The following VIPR1 variants were observed in gnomAD, a reference collection of about 807,000 sequenced individuals.
VIPR1 encodes the protein vasoactive intestinal peptide receptor 1, also known as vasoactive intestinal polypeptide receptor 1.
Under a neutral mutation model 58.8 loss-of-function variants are expected in VIPR1, and 59 were observed. The observed-to-expected ratio is 1.00, with a 90% CI of 0.81 to 1.25. The LOEUF is 1.25. VIPR1 is among the 50% of genes most tolerant of loss of function. The probability of loss-of-function intolerance (pLI) is 0.00; values close to 1 mark genes in which losing one functional copy is unlikely to be tolerated. For synonymous variants in VIPR1, 251 were observed against 242.1 expected (o/e 1.04, Z -0.34); for missense variants, 626 against 602.7 (o/e 1.04, Z -0.40).
At chr3:42,495,595 A>G (rs1022939881) in intron 1 of VIPR1, among the ~76,000 whole-genome samples, 1 of 152,066 alleles carries the variant, frequency 6.6e-6, no homozygotes, top group African/African-American at 2.4e-5. Context: ...TAATCAGGTG[A>G]GCCCTTTAAA....
At chr3:42,492,806 C>A (rs904045893) in intron 1 of VIPR1, among the ~76,000 whole-genome samples, 3 of 152,208 alleles carry the variant, frequency 2.0e-5, no homozygotes, top group Admixed American at 2.0e-4. Context: ...CCACCTCCCA[C>A]CTCAGGAAGG....
In VIPR1 at chr3:42,531,473, G is replaced by C; in HGVS notation, c.793G>C (p.Val265Leu). 1 of 1,581,446 alleles carries C rather than the reference G, an allele frequency of 6.3e-7. No individual in the cohort carries two copies. Among genetic ancestry groups the C allele is most frequent in the Non-Finnish European group, 8.6e-7 (1 of 1,162,462 alleles). ...FWGYILIGWGVPSTFTMVWTI... is the reference protein window; with the variant it reads ...FWGYILIGWGLPSTFTMVWTI... ...TTCACTCTCCCTGGGCCTGACAGGG[G>C]TACCCAGCACATTCACCATGGTGTG... is the stretch of plus-strand genomic sequence containing the variant. Residue 265 changes from valine (V) to leucine (L), a missense_variant and splice_region_variant, in exon 8 of 13, where the codon GTA becomes CTA. Coordinates refer to ENST00000325123, the MANE Select transcript of VIPR1 (RefSeq NM_004624.4).
At chr3:42,494,211 G>T (rs767101201) in intron 1 of VIPR1, among the ~76,000 whole-genome samples, 1 of 152,108 alleles carries the variant, frequency 6.6e-6, no homozygotes, top group East Asian at 1.9e-4. Context: ...AACATTAGAC[G>T]TTAAATATGT....
intron 3 of VIPR1, among the ~76,000 whole-genome samples, chr3:42,523,415 T>C (rs1397339214): frequency 6.6e-6 from 1 of 152,172 alleles, no homozygotes; most frequent in African/African-American, 2.4e-5. Context: ...TGGCCGCTGC[T>C]GGGAGCCCAG....
chr3:42,527,894 C>A, intron 5 of VIPR1, 97 bp from the exon 6 acceptor site: 1 of 1,515,772 alleles, frequency 6.6e-7, no homozygotes, highest in Non-Finnish European at 8.9e-7. Context: ...AGGACACATG[C>A]TCCCCTGCCC....
chr3:42,502,669 C>T lies in VIPR1; in HGVS notation c.-67C>T, dbSNP rs967368002. The T allele has an allele frequency of 3.3e-6, 4 of 1,195,360 alleles. No homozygotes were observed. Among genetic ancestry groups the T allele is most frequent in the African/African-American group, 1.6e-5 (1 of 62,628 alleles). The allele number at this position is 1,195,360 out of a possible 1,614,324, so 74.0% of individuals were successfully genotyped here. On this transcript the variant is annotated 5_prime_UTR_variant, in exon 1 of 13. Coordinates refer to ENST00000325123, the MANE Select transcript of VIPR1 (RefSeq NM_004624.4). ...CTCTGCCAGGCTCCCGGCCATCGCCCGCCTGGTGCGCCGCCCGCCAGCTCT... is the reference window on the plus strand; with the variant it reads ...CTCTGCCAGGCTCCCGGCCATCGCCTGCCTGGTGCGCCGCCCGCCAGCTCT...
At chr3:42,532,399 C>A in intron 10 of VIPR1, 66 bp downstream of exon 10, 1 of 1,488,576 alleles carries the variant, frequency 6.7e-7, no homozygotes, top group African/African-American at 1.4e-5. Flanking sequence ...CATCCCACAT[C>A]TCCTTGAAGT....
chr3:42,525,875 CCCTCCA>C lies in VIPR1; in HGVS notation c.293-9_293-4del. The C allele has an allele frequency of 6.3e-7, 1 of 1,599,182 alleles. No individual in the cohort carries two copies. Among genetic ancestry groups the C allele is most frequent in the African/African-American group, 1.3e-5 (1 of 74,764 alleles). The stretch of plus-strand genomic sequence containing the variant: ...GCCTCAGCCTTTGTCCTTGCCCCTG[CCCTCCA>C]CCCAGGCCGCAATGTAAGCCGCAGC... On this transcript the variant is annotated splice_region_variant and splice_polypyrimidine_tract_variant and intron_variant, in intron 3 of 12. Coordinates refer to ENST00000325123, the MANE Select transcript of VIPR1 (RefSeq NM_004624.4).
rs1195924578 is a variant in VIPR1, at chr3:42,525,869, C to T, written c.293-18C>T. ...CTCCCGGCCTCAGCCTTTGTCCTTG[C>T]CCCTGCCCTCCACCCAGGCCGCAAT... On this transcript the variant is annotated intron_variant, in intron 3 of 12. Coordinates refer to ENST00000325123, the MANE Select transcript of VIPR1 (RefSeq NM_004624.4). 2.5e-6 allele frequency: 4 copies of T among 1,592,080 alleles called. No individual in the cohort carries two copies. The highest frequency in any genetic ancestry group is 3.3e-4 in the Middle Eastern group (2 of 6,030).
intron 1 of VIPR1, among the ~76,000 whole-genome samples, chr3:42,493,178 G>A (rs566949391): frequency 2.6e-5 from 4 of 152,218 alleles, no homozygotes; most frequent in Non-Finnish European, 4.4e-5. Flanking sequence ...GGAGGGAGAC[G>A]GGTGGCTTCT....
chr3:42,514,046 C>T (rs1251812042), intron 2 of VIPR1, among the ~76,000 whole-genome samples, 192 bp downstream of exon 2: 2 of 152,180 alleles, frequency 1.3e-5, no homozygotes, highest in African/African-American at 2.4e-5. Flanking sequence ...GGGGAGCTCC[C>T]AGCCGCAGCT....
rs536804964 is a variant in VIPR1 at position 42,528,399 on chromosome 3, G to C, written c.636+276G>C. The C allele has an allele frequency of 4.2e-5, 20 of 474,896 alleles. No homozygotes were observed. The South Asian group carries it at 5.3e-4, about 13-fold the overall frequency. The allele number at this position is 474,896 out of a possible 1,614,324, so 29.4% of individuals were successfully genotyped here. On this transcript the variant is annotated intron_variant, in intron 6 of 12. Transcript: ENST00000325123. ...CAGATGGGAAATGGGACACTTCATG[G>C]CCACAGCCCAGAGCACCTGTCCCAC...
At chr3:42,514,159 C>T (rs1421088568) in intron 2 of VIPR1, among the ~76,000 whole-genome samples, 4 of 151,678 alleles carry the variant, frequency 2.6e-5, no homozygotes, top group South Asian at 2.1e-4. Context: ...ATCTCCATGG[C>T]GGCCAGCCCA....
chr3:42,514,792 T>G (rs1283571740), intron 2 of VIPR1, among the ~76,000 whole-genome samples: 1 of 152,102 alleles, frequency 6.6e-6, no homozygotes, highest in Non-Finnish European at 1.5e-5. Context: ...AGTGCCCAGC[T>G]ACCAAGACTG....
intron 3 of VIPR1, among the ~76,000 whole-genome samples, chr3:42,523,773 A>C (rs1701083712): frequency 6.6e-6 from 1 of 152,034 alleles, no homozygotes; most frequent in Non-Finnish European, 1.5e-5. Context: ...GGGAGCCCAA[A>C]GCTCCAGTGT....
chr3:42,525,363 C>A (rs1701173191), intron 3 of VIPR1, among the ~76,000 whole-genome samples: 1 of 151,830 alleles, frequency 6.6e-6, no homozygotes, highest in Non-Finnish European at 1.5e-5. Context: ...GCACAGGTTC[C>A]CCAACCCCAC....
At position 42,519,216 on chromosome 3, in the gene VIPR1, C is replaced by A; in HGVS notation, c.185-7C>A. 6.2e-7 allele frequency: 1 copy of A among 1,604,258 alleles called. No homozygotes were observed. Among genetic ancestry groups the A allele is most frequent in the South Asian group, 1.1e-5 (1 of 88,946 alleles). On this transcript the variant is annotated splice_region_variant and splice_polypyrimidine_tract_variant and intron_variant, in intron 2 of 12. Coordinates refer to ENST00000325123, the MANE Select transcript of VIPR1 (RefSeq NM_004624.4). Reference sequence around the variant, plus strand: ...TCACCCATGTGTCTTCTGCCTTACCCCCATAGGCTGCAGCAAGATGTGGGA... The same window carrying A: ...TCACCCATGTGTCTTCTGCCTTACCACCATAGGCTGCAGCAAGATGTGGGA...
chr3:42,503,530 G>A (rs1188050534), intron 1 of VIPR1, among the ~76,000 whole-genome samples: 1 of 152,186 alleles, frequency 6.6e-6, no homozygotes, highest in African/African-American at 2.4e-5. Context: ...GTGGGTATGT[G>A]TATGCCCTTG....
rs749825366 is a variant in VIPR1 at position 42,535,344 on chromosome 3, G to C, written c.1142G>C (p.Gly381Ala). 1 of 1,614,106 alleles carries C rather than the reference G, an allele frequency of 6.2e-7. No homozygotes were observed. The highest frequency in any genetic ancestry group is 8.5e-7 in the Non-Finnish European group (1 of 1,180,012). ...CTCTCCTGTCATCTTCCTTCTCAGG[G>C]TTTTGTGGTGGCTATCCTCTACTGC... is the stretch of plus-strand genomic sequence containing the variant. ...VFELVVGSFQ[G>A]FVVAILYCFL... The change falls in exon 12 of 13, where the codon GGT becomes GCT. Residue 381 changes from glycine to alanine, a missense_variant and splice_region_variant. Gly to Ala is a moderately conservative substitution (Grantham distance 60, BLOSUM62 0). Transcript: ENST00000325123.
Sources: gnomAD v4.1 joint callset for allele counts (sites outside exome capture counted in the v4.1 genomes callset) on GRCh38, gnomAD v4.1.1 for gene constraint, MANE v1.5 for transcripts, NCBI Gene and HGNC (gene_info 2026-07-23, HGNC 2026-07-21) for gene names.